The following HSD17B7 variants were observed in gnomAD, a reference collection of about 807,000 sequenced individuals.
The protein encoded by HSD17B7 is 3-keto-steroid reductase/17-beta-hydroxysteroid dehydrogenase 7.
Under a neutral mutation model 34.1 loss-of-function variants are expected in HSD17B7, and 17 were observed. The observed-to-expected ratio is 0.50, with a 90% confidence interval of 0.34 to 0.75. HSD17B7 has a LOEUF of 0.75. HSD17B7 is among the 30% of genes least tolerant of loss of function. HSD17B7 has a pLI of 0.01. For synonymous variants in HSD17B7, 122 were observed against 154.6 expected, an observed-to-expected ratio of 0.79 and a Z score of 1.56; for missense variants, 296 against 406.6, an observed-to-expected ratio of 0.73 and a Z score of 2.34.
In HSD17B7 at chr1:162,796,471, T is replaced by C. The variant is rs147573725; in HGVS notation, c.240-114T>C. 2.5e-3 allele frequency: 1,462 copies of C among 573,684 alleles called. 17 individuals carry two copies. The highest frequency in any genetic ancestry group is 0.025 in the African/African-American group (1,308 of 53,202). The allele number at this position is 573,684 out of a possible 1,614,324, so 35.5% of individuals were successfully genotyped here. On this transcript the variant is annotated intron_variant, in intron 2 of 8. Transcript: ENST00000254521. ...GGCTAATATATTAATTTAAAAAGTA[T>C]TTTTTGTCTTTCTTAGGCCTCCTTG...
At chr1:162,793,952 T>G (rs973851266) in intron 2 of HSD17B7, among the ~76,000 whole-genome samples, 2 of 152,164 alleles carry the variant, frequency 1.3e-5, no homozygotes, top group Admixed American at 6.5e-5. Flanking sequence ...GTAATAGACA[T>G]TTGATCAATA....
chr1:162,802,142 G>T (rs150901150), intron 5 of HSD17B7, among the ~76,000 whole-genome samples: 1,892 of 152,310 alleles, frequency 0.012, 30 homozygotes, highest in African/African-American at 0.043. Context: ...TCAAGCTGTA[G>T]AGAAATACTC....
rs905640684 is a variant in HSD17B7 at position 162,808,868 on chromosome 1, G to C, written c.903+3376G>C. On this transcript the variant is annotated intron_variant, in intron 8 of 8. Coordinates refer to ENST00000254521, the MANE Select transcript of HSD17B7 (RefSeq NM_016371.4). The stretch of plus-strand genomic sequence containing the variant: ...GCTTATCAGCTTAAGGAGATTTTGG[G>C]CTGAGACAATGGGGTTTTCTAAATA... Among the ~76,000 whole-genome samples the C allele has an allele frequency of 4.6e-5, 7 of 152,272 alleles. No homozygotes were observed. The East Asian group carries it at 1.3e-3, about 29-fold the overall frequency.
chr1:162,802,206 G>A (rs1004182475), intron 5 of HSD17B7, among the ~76,000 whole-genome samples: 20 of 152,116 alleles, frequency 1.3e-4, no homozygotes, highest in Non-Finnish European at 1.2e-4. Context: ...ATACAGTCTT[G>A]GTTAAGATTG....
At chr1:162,795,112 T>C (rs1162095221) in intron 2 of HSD17B7, among the ~76,000 whole-genome samples, 1 of 152,184 alleles carries the variant, frequency 6.6e-6, no homozygotes, top group Admixed American at 6.5e-5. Flanking sequence ...GTTTGGAATA[T>C]ATGAAAGTGT....
intron 5 of HSD17B7, 67 bp from the exon 6 acceptor site, chr1:162,803,364 G>T: frequency 6.9e-7 from 1 of 1,455,442 alleles, no homozygotes; most frequent in Non-Finnish European, 9.5e-7. Flanking sequence ...TTATTAACTA[G>T]CATGTAGCTG....
chr1:162,792,739 G>T lies in HSD17B7; in HGVS notation c.116G>T (p.Ser39Ile). The T allele has an allele frequency of 1.2e-6, 2 of 1,614,214 alleles. No individual in the cohort carries two copies. Among genetic ancestry groups the T allele is most frequent in the Non-Finnish European group, 1.7e-6 (2 of 1,180,048 alleles). ...CTGTGTTTGGCGTGCAGGAACATGA[G>T]CAAGGCAGAAGCTGTCTGTGCTGCT... ...LHLCLACRNMSKAEAVCAALL... is the reference protein window; with the variant it reads ...LHLCLACRNMIKAEAVCAALL... The change falls in exon 2 of 9, where the codon AGC (serine) becomes ATC (isoleucine). Residue 39 changes from serine (S) to isoleucine (I), a missense_variant. Transcript: ENST00000254521.
rs113998565 is a variant in HSD17B7 at position 162,801,107 on chromosome 1, G to A, written c.642+1170G>A. ...TGATTCTTGTACCTCAGCTTCTCAA[G>A]TAGCTGGGATTACAGGGATGTGCCA... On this transcript the variant is annotated intron_variant, in intron 5 of 8. Transcript: ENST00000254521. Among the ~76,000 whole-genome samples, 893 of 152,216 alleles carry A rather than the reference G, an allele frequency of 5.9e-3. 9 individuals are homozygous for A. Among genetic ancestry groups the A allele is most frequent in the African/African-American group, 0.02 (826 of 41,506 alleles).
intron 8 of HSD17B7, among the ~76,000 whole-genome samples, chr1:162,810,666 G>A (rs1214196195): frequency 6.6e-6 from 1 of 151,958 alleles, no homozygotes; most frequent in Admixed American, 6.6e-5. Flanking sequence ...TAGATAGTTA[G>A]TTCTTCTTGT....
intron 8 of HSD17B7, among the ~76,000 whole-genome samples, chr1:162,808,254 G>A (rs1213869425): frequency 1.1e-4 from 17 of 151,970 alleles, no homozygotes; most frequent in Non-Finnish European, 2.9e-5. Flanking sequence ...TTTTTGTCAG[G>A]TTTGTCAAAG....
chr1:162,811,083 G>T (rs2997635), intron 8 of HSD17B7, among the ~76,000 whole-genome samples: 1 of 152,176 alleles, frequency 6.6e-6, no homozygotes, highest in Admixed American at 6.5e-5. Context: ...GCAGTGGCTG[G>T]TACCGGTTGT....
intron 2 of HSD17B7, among the ~76,000 whole-genome samples, chr1:162,795,304 C>T (rs201072530): frequency 1.3e-5 from 2 of 152,220 alleles, no homozygotes; most frequent in South Asian, 4.1e-4. Context: ...TTAGATAGTG[C>T]AGATGAAAAC....
intron 4 of HSD17B7, 25 bp from the exon 5 acceptor site, chr1:162,799,718 T>A (rs1158062360): frequency 1.3e-6 from 2 of 1,596,730 alleles, no homozygotes; most frequent in Admixed American, 3.4e-5. Flanking sequence ...TATATTTTAA[T>A]ACTTTTTTTT....
chr1:162,804,326 A>G lies in HSD17B7; in HGVS notation c.804+3A>G, dbSNP rs374682987. On this transcript the variant is annotated splice_donor_region_variant and intron_variant, in intron 7 of 8. Transcript: ENST00000254521. ...CATATAATGGAACAGAAGCTCTGGT[A>G]TGTTACTGAAGTTTTTATAACTTGT... The G allele has an allele frequency of 1.5e-5, 24 of 1,567,642 alleles. No individual in the cohort carries two copies. The African/African-American group carries it at 1.8e-4, about 12-fold the overall frequency.
Position 162,790,824 on chromosome 1 carries a change from C to T in HSD17B7, c.24C>T (p.Thr8=), listed in dbSNP as rs534750073. The T allele has an allele frequency of 8.1e-6, 13 of 1,613,798 alleles. No homozygotes were observed. The highest frequency in any genetic ancestry group is 3.3e-5 in the South Asian group (3 of 91,016). MRKVVLI[T]GASSGIGLAL... The stretch of plus-strand genomic sequence containing the variant: ...AGATGCGAAAGGTGGTTTTGATCAC[C>T]GGGGCTAGCAGGTGAGGCCTCCTTT... Residue 8 remains threonine, a synonymous_variant, in exon 1 of 9, where the codon ACC becomes ACT. Transcript: ENST00000254521.
At position 162,812,568 on chromosome 1, in the gene HSD17B7, C is replaced by T. The variant is rs534028921; in HGVS notation, c.*148C>T. ...TGGCATGCGCATGTAGTCCCAGCTA[C>T]TCAGAAGGATGAGGTGGGAGGATCT... On this transcript the variant is annotated 3_prime_UTR_variant, in exon 9 of 9. Coordinates refer to ENST00000254521, the MANE Select transcript of HSD17B7 (RefSeq NM_016371.4). The T allele has an allele frequency of 3.2e-5, 24 of 751,600 alleles. No homozygotes were observed. Among genetic ancestry groups the T allele is most frequent in the Non-Finnish European group, 4.4e-5 (22 of 501,886 alleles). The allele number at this position is 751,600 out of a possible 1,614,324, so 46.6% of individuals were successfully genotyped here. A position where few individuals can be genotyped will look rare whatever the true frequency, so the allele number is the denominator to read the frequency against.
Position 162,803,542 on chromosome 1 carries a change from G to A in HSD17B7, c.747+7G>A, listed in dbSNP as rs531904115. ...GATGCCGGCAATATTGCTAGTAAGT[G>A]ATGAATATACTTCTTTTCTTAACTC... is the stretch of plus-strand genomic sequence containing the variant. On this transcript the variant is annotated splice_region_variant and intron_variant, in intron 6 of 8. Transcript: ENST00000254521. The A allele has an allele frequency of 3.1e-6, 5 of 1,610,982 alleles. No homozygotes were observed. The African/African-American group carries it at 6.7e-5, about 22-fold the overall frequency.
intron 4 of HSD17B7, chr1:162,799,473 C>G: frequency 3.5e-6 from 1 of 287,812 alleles, no homozygotes; most frequent in East Asian, 6.1e-5. Flanking sequence ...TATTAGAAAC[C>G]AAGATCTGGG....
At chr1:162,797,749 T>C (rs1648667236) in intron 3 of HSD17B7, 53 bp from the exon 4 acceptor site, 14 of 1,578,126 alleles carry the variant, frequency 8.9e-6, no homozygotes, top group Non-Finnish European at 3.5e-6. Context: ...GTTTTCAGTA[T>C]TTCCAGTTAA....
Sources: allele counts gnomAD v4.1 joint callset (sites outside exome capture counted in the v4.1 genomes callset), GRCh38; gene constraint gnomAD v4.1.1; transcripts MANE v1.5; gene names NCBI Gene and HGNC (gene_info 2026-07-23, HGNC 2026-07-21).